AATK: variants seen among roughly 807,000 people sequenced by gnomAD.
AATK encodes lemur tail kinase 1.
In AATK, 91 loss-of-function variants were observed where a neutral mutation model predicts 114.3. That is an observed-to-expected ratio of 0.80 (90% CI 0.67 to 0.95). The LOEUF (loss-of-function observed/expected upper bound fraction) is 0.95, where lower values mean the gene tolerates loss of function less well. Among genes scored for constraint, AATK ranks in the 40% least tolerant of loss-of-function variants. The pLI is 0.00. For missense variants in AATK, 2,176 were observed against 1,965.2 expected (o/e 1.11, Z -2.03); for synonymous variants, 1,075 against 916.5 (o/e 1.17, Z -3.12).
chr17:81,120,522 G>T lies in AATK; in HGVS notation c.3414C>A (p.Thr1138=). 1 of 1,485,390 alleles carries T rather than the reference G, an allele frequency of 6.7e-7. No homozygotes were observed. The highest frequency in any genetic ancestry group is 2.5e-5 in the Admixed American group (1 of 40,156). The allele number at this position is 1,485,390 out of a possible 1,614,324, so 92.0% of individuals were successfully genotyped here. A position where few individuals can be genotyped will look rare whatever the true frequency, so the allele number is the denominator to read the frequency against. Residue 1138 remains threonine (T), a synonymous_variant, in exon 11 of 14, where the codon ACC becomes ACA. Transcript: ENST00000326724. ...GAGCCAGGCGGAGTGGGGCTCTGGG[G>T]GTGCCTGGGCCCCCCATCCGCTTTT... The part of the protein sequence containing the change: ...APQKRMGGPG[T]PRAPLRLALP...
chr17:81,164,650 G>A (rs2061464782), intron 1 of AATK, among the ~76,000 whole-genome samples: 2 of 152,196 alleles, frequency 1.3e-5, no homozygotes, highest in East Asian at 1.9e-4. Flanking sequence ...CTGTTCTGGG[G>A]GCAGAAAGGA....
In AATK at chr17:81,165,939, G is replaced by T; in HGVS notation, c.54C>A (p.Pro18=). ...CAGGCCGGGCCGCCAGGGACTCACC[G>T]GGGTCGAAGTGCGAGCTGAAGGCGA... is the stretch of plus-strand genomic sequence containing the variant. ...PSFAFSSHFD[P]DGAPLSELSW... The change falls in exon 1 of 14, where the codon CCC becomes CCA. Residue 18 remains proline (P), a splice_region_variant and synonymous_variant. Coordinates refer to ENST00000326724, the MANE Select transcript of AATK (RefSeq NM_001080395.3). The T allele has an allele frequency of 6.3e-7, 1 of 1,581,148 alleles. No homozygotes were observed.
At position 81,120,242 on chromosome 17, in the gene AATK, C is replaced by T; in HGVS notation, c.3694G>A (p.Val1232Met). The T allele has an allele frequency of 6.3e-7, 1 of 1,593,882 alleles. No individual in the cohort carries two copies. The highest frequency in any genetic ancestry group is 8.6e-7 in the Non-Finnish European group (1 of 1,166,308). ...ACGGTGACGTCGTCGAAGAAGGACA[C>T]GGCCTTCTTCTTGCGTTCCAGGTCC... ...CEDLERKKKA[V>M]SFFDDVTVYL... The change falls in exon 11 of 14, where the codon GTG becomes ATG. Residue 1232 changes from valine (V) to methionine (M), a missense_variant. By Grantham distance (21) the Val-to-Met change is conservative. Transcript: ENST00000326724.
chr17:81,140,035 G>C lies in AATK; in HGVS notation c.56-5534C>G, dbSNP rs200193250. On this transcript the variant is annotated intron_variant, in intron 1 of 13. Coordinates refer to ENST00000326724, the MANE Select transcript of AATK (RefSeq NM_001080395.3). ...GATGACTCTATTTCTTTTTGTTTTA[G>C]AGATGGGGTCTGTGTTGTCCAGATG... Among the ~76,000 whole-genome samples the C allele has an allele frequency of 2.6e-5, 4 of 152,286 alleles. No individual in the cohort carries two copies. The East Asian group carries it at 7.7e-4, about 29-fold the overall frequency.
chr17:81,134,371 G>C lies in AATK; in HGVS notation c.186C>G (p.Phe62Leu). 1 of 1,613,142 alleles carries C rather than the reference G, an allele frequency of 6.2e-7. No individual in the cohort carries two copies. Among genetic ancestry groups the C allele is most frequent in the Non-Finnish European group, 8.5e-7 (1 of 1,179,772 alleles). ...CLCCKKGGIG[F>L]KEFENAEGDE... is the part of the protein sequence containing the mutation. ...TCCCGCGGCCCCCAGGCCTCACCTT[G>C]AACCCGATACCGCCCTTCTTACAGC... The change falls in exon 2 of 14, where the codon TTC becomes TTG. Residue 62 changes from phenylalanine to leucine, a missense_variant. Coordinates refer to ENST00000326724, the MANE Select transcript of AATK (RefSeq NM_001080395.3).
chr17:81,148,291 C>T (rs769233090), intron 1 of AATK, among the ~76,000 whole-genome samples: 3 of 152,192 alleles, frequency 2.0e-5, no homozygotes, highest in East Asian at 3.8e-4. Flanking sequence ...CCGCGCTGGA[C>T]GCAGAATGGC....
At chr17:81,125,709 G>C (rs955786407) in intron 7 of AATK, among the ~76,000 whole-genome samples, 1 of 151,996 alleles carries the variant, frequency 6.6e-6, no homozygotes, top group Admixed American at 6.6e-5. Context: ...AGGACTCAGG[G>C]TGGGGACAGA....
chr17:81,120,776 C>T lies in AATK; in HGVS notation c.3160G>A (p.Glu1054Lys), dbSNP rs766824141. 4.1e-5 allele frequency: 65 copies of T among 1,569,070 alleles called. No homozygotes were observed. Among genetic ancestry groups the T allele is most frequent in the Non-Finnish European group, 5.3e-5 (61 of 1,157,782 alleles). Residue 1054 changes from glutamate (E) to lysine (K), a missense_variant, in exon 11 of 14, where the codon GAG becomes AAG. Physicochemically the swap from Glu to Lys is moderately conservative, Grantham distance 56. Around this residue, in one of 4 missense-constraint regions of AATK, gnomAD observed 1,701 missense variants for 1,394.7 expected, o/e 1.22. Coordinates refer to ENST00000326724, the MANE Select transcript of AATK (RefSeq NM_001080395.3). ...AGCTGCAGCAGTGGGGGCAGCACCT[C>T]CCCGGGGCCAGAGCCTTGTGCCTCC... is the stretch of plus-strand genomic sequence containing the variant. ...SGEAQGSGPG[E>K]VLPPLLQLEG...
In AATK at chr17:81,120,890, C is replaced by T. The variant is rs1281464708; in HGVS notation, c.3046G>A (p.Gly1016Ser). 8 of 1,586,852 alleles carry T rather than the reference C, an allele frequency of 5.0e-6. No homozygotes were observed. The highest frequency in any genetic ancestry group is 1.3e-5 in the African/African-American group (1 of 74,462). ...EATSGPEKKC[G>S]GDRAPGPELG... The stretch of plus-strand genomic sequence containing the variant: ...TCTGGCCCGGGGGCTCGGTCCCCGC[C>T]GCACTTCTTCTCTGGGCCTGAGGTG... Residue 1016 changes from glycine to serine, a missense_variant, in exon 11 of 14, where the codon GGC (glycine) becomes AGC (serine). This residue lies in a region of AATK where 1,701 missense variants were observed against 1,394.7 expected (regional missense o/e 1.22). Coordinates refer to ENST00000326724, the MANE Select transcript of AATK (RefSeq NM_001080395.3).
At chr17:81,144,255 A>G (rs1483634890) in intron 1 of AATK, among the ~76,000 whole-genome samples, 1 of 152,186 alleles carries the variant, frequency 6.6e-6, no homozygotes, top group African/African-American at 2.4e-5. Context: ...ATGTCCCCAA[A>G]TCACACAAAC....
chr17:81,165,686 G>A lies in AATK; in HGVS notation c.55+252C>T, dbSNP rs1329186377. ...GGCCCTCCGTGCCCCAGTTACCTGT[G>A]CCCTGGAGGCAGCCACGGAGTCACG... On this transcript the variant is annotated intron_variant, in intron 1 of 13. Coordinates refer to ENST00000326724, the MANE Select transcript of AATK (RefSeq NM_001080395.3). 4.0e-6 allele frequency: 6 copies of A among 1,513,976 alleles called. No individual in the cohort carries two copies. In the Admixed American group the frequency reaches 6.0e-5, roughly 15 times the overall value. 93.8% of individuals were successfully genotyped at this position (1,513,976 alleles called of 1,614,324 possible).
At position 81,122,129 on chromosome 17, in the gene AATK, G is replaced by T; in HGVS notation, c.1807C>A (p.Pro603Thr). ...HYPRRSLARD[P>T]LCPSRSPSPS... ...GAGGGAGAGCGTGAGGGGCAGAGCG[G>T]GTCCCGCGCCAAGCTTCTGCGAGGG... Residue 603 changes from proline (P) to threonine (T), a missense_variant, in exon 11 of 14, where the codon CCG becomes ACG. By Grantham distance (38) the Pro-to-Thr change is conservative. Transcript: ENST00000326724. 1 of 1,538,280 alleles carries T rather than the reference G, an allele frequency of 6.5e-7. No homozygotes were observed. The highest frequency in any genetic ancestry group is 8.7e-7 in the Non-Finnish European group (1 of 1,144,608).
rs530273763 is a variant in AATK, at chr17:81,126,415, G to C, written c.755+12C>G. ...TAGGGCTTCCCGGCCGCTGGCCCGC[G>C]CCCGCCCTCACCTGTGCACGAAATT... On this transcript the variant is annotated intron_variant, in intron 7 of 13. Coordinates refer to ENST00000326724, the MANE Select transcript of AATK (RefSeq NM_001080395.3). This position sits in a 1 kb window ranked among gnomAD's most constrained non-coding sequence, Gnocchi z 5.1. 9.0e-6 allele frequency: 14 copies of C among 1,553,468 alleles called. No homozygotes were observed. In the Admixed American group the frequency reaches 2.7e-4, roughly 29 times the overall value.
rs2060593747 is a variant in AATK at position 81,118,313 on chromosome 17, T to C, written c.*89A>G. 5 of 1,395,850 alleles carry C rather than the reference T, an allele frequency of 3.6e-6. No individual in the cohort carries two copies. Among genetic ancestry groups the C allele is most frequent in the Middle Eastern group, 1.8e-4 (1 of 5,410 alleles). 86.5% of individuals were successfully genotyped at this position (1,395,850 alleles called of 1,614,324 possible). ...TCTGCTGCCAACAGCCACCAGGACG[T>C]GGTCCCCACCTTCTCGGTCACCATC... On this transcript the variant is annotated 3_prime_UTR_variant, in exon 14 of 14. Transcript: ENST00000326724.
intron 1 of AATK, among the ~76,000 whole-genome samples, chr17:81,140,126 G>A (rs1207233152): frequency 6.6e-6 from 1 of 152,108 alleles, no homozygotes; most frequent in African/African-American, 2.4e-5. Context: ...AGTCCTCCCC[G>A]CCCAGCCTCC....
rs1253688995 is a variant in AATK, at chr17:81,154,804, AT to A, written c.55+11133del. On this transcript the variant is annotated intron_variant, in intron 1 of 13. Transcript: ENST00000326724. ...GCCATCACACCCGGCTAATTTTTGT[AT>A]TTTTAGTAGAGACGGGGTTTCAACA... Among the ~76,000 whole-genome samples the A allele has an allele frequency of 9.9e-4, 111 of 112,060 alleles. 12 individuals carry two copies. Among genetic ancestry groups the A allele is most frequent in the African/African-American group, 3.4e-3 (69 of 20,128 alleles). The allele number at this position is 112,060 out of a possible 152,430, so 73.5% of individuals were successfully genotyped here.
At chr17:81,118,511 ACCTGGCCTCCATC>A (rs1230096328) in intron 13 of AATK, 69 bp from the exon 14 acceptor site, 2 of 1,531,196 alleles carry the variant, frequency 1.3e-6, no homozygotes, top group Non-Finnish European at 1.8e-6. Context: ...CGCAACTCCC[ACCTGGCCTCCATC>A]CCTGGCCCAC....
chr17:81,157,171 GGGAGCCCGA>G (rs2061376730), intron 1 of AATK, among the ~76,000 whole-genome samples: 1 of 152,222 alleles, frequency 6.6e-6, no homozygotes. Flanking sequence ...GCCAAGAGAG[GGGAGCCCGA>G]ATGTCCACGG....
chr17:81,152,376 A>C (rs2061309928), intron 1 of AATK, among the ~76,000 whole-genome samples: 1 of 152,218 alleles, frequency 6.6e-6, no homozygotes, highest in Non-Finnish European at 1.5e-5. Context: ...ACTTGAGCCC[A>C]GGAGTTTGTC....
Sources: allele counts gnomAD v4.1 joint callset (sites outside exome capture counted in the v4.1 genomes callset), GRCh38; gene constraint gnomAD v4.1.1; regional missense constraint gnomAD v4.1.1; non-coding constraint Gnocchi (gnomAD v3.1); transcripts MANE v1.5; gene names NCBI Gene and HGNC (gene_info 2026-07-23, HGNC 2026-07-21).